The following CALB1 variants were observed in gnomAD, a reference collection of about 807,000 sequenced individuals.
The protein encoded by CALB1 is calbindin 1.
Under a neutral mutation model 46.7 loss-of-function variants are expected in CALB1, and 16 were observed. That is an observed-to-expected ratio of 0.34 (90% CI 0.23 to 0.52). The LOEUF (loss-of-function observed/expected upper bound fraction) is 0.52. Ranked by LOEUF, CALB1 falls within the 20% of genes least tolerant of loss-of-function variation. The probability of loss-of-function intolerance (pLI) is 0.95; values close to 1 mark genes in which losing one functional copy is unlikely to be tolerated. For missense variants in CALB1, 224 were observed against 300.3 expected (o/e 0.75, Z 1.88); for synonymous variants, 90 against 112.8 (o/e 0.80, Z 1.28).
At chr8:90,074,011 C>A (rs1814577675) in intron 3 of CALB1, among the ~76,000 whole-genome samples, 1 of 151,248 alleles carries the variant, frequency 6.6e-6, no homozygotes, top group Non-Finnish European at 1.5e-5. Context: ...ATTAGCCAAG[C>A]ATTCATTTTT....
At chr8:90,075,668 C>T (rs1814610890) in intron 3 of CALB1, among the ~76,000 whole-genome samples, 1 of 152,150 alleles carries the variant, frequency 6.6e-6, no homozygotes, top group South Asian at 2.1e-4. Flanking sequence ...TCCCTTTCCA[C>T]ATTTTCTACA....
intron 5 of CALB1, among the ~76,000 whole-genome samples, chr8:90,068,216 G>A (rs958633223): frequency 2.6e-5 from 4 of 152,122 alleles, no homozygotes; most frequent in Non-Finnish European, 5.9e-5. Flanking sequence ...AGCCTGAGAG[G>A]AAGGATTTAT....
intron 5 of CALB1, among the ~76,000 whole-genome samples, chr8:90,068,400 T>C (rs1260381566): frequency 6.6e-6 from 1 of 152,218 alleles, no homozygotes; most frequent in Non-Finnish European, 1.5e-5. Context: ...ATTTTTTATT[T>C]TTTATCATCA....
At chr8:90,069,087 CA>C (rs1563677741) in intron 4 of CALB1, 33 bp from the exon 5 acceptor site, 1 of 1,611,120 alleles carries the variant, frequency 6.2e-7, no homozygotes, top group Middle Eastern at 1.7e-4. Flanking sequence ...AAAACAAACA[CA>C]TTTTTAATAA....
chr8:90,065,808 T>G (rs1230369031), intron 6 of CALB1, 90 bp downstream of exon 6: 1 of 807,122 alleles, frequency 1.2e-6, no homozygotes, highest in Non-Finnish European at 2.1e-6. Context: ...CACCGTTTAT[T>G]TATTTCATCC....
In CALB1 at chr8:90,082,800, G is replaced by A; in HGVS notation, c.-103C>T. 1 of 1,148,384 alleles carries A rather than the reference G, an allele frequency of 8.7e-7. No homozygotes were observed. The highest frequency in any genetic ancestry group is 1.3e-6 in the Non-Finnish European group (1 of 759,664). 71.1% of individuals were successfully genotyped at this position (1,148,384 alleles called of 1,614,324 possible). On this transcript the variant is annotated 5_prime_UTR_variant, in exon 1 of 11. Coordinates refer to ENST00000265431, the MANE Select transcript of CALB1 (RefSeq NM_004929.4). ...AGCGTGTGCGCGAGTCAGGGCTGCG[G>A]AGGGAGACCTGGGCGCGGGCGCTGC... is the stretch of plus-strand genomic sequence containing the variant.
intron 2 of CALB1, among the ~76,000 whole-genome samples, chr8:90,079,542 A>G (rs988329531): frequency 1.3e-5 from 2 of 151,996 alleles, no homozygotes; most frequent in African/African-American, 4.8e-5. Context: ...TTATTTTTAC[A>G]TACATCTTAA....
chr8:90,066,022 G>T, intron 5 of CALB1, 47 bp from the exon 6 acceptor site: 1 of 1,221,268 alleles, frequency 8.2e-7, no homozygotes, highest in Non-Finnish European at 1.2e-6. Flanking sequence ...ATAATATATC[G>T]TCTACTTTCA....
At chr8:90,081,988 TAA>T in intron 2 of CALB1, 36 bp downstream of exon 2, 1 of 1,560,962 alleles carries the variant, frequency 6.4e-7, no homozygotes, top group Non-Finnish European at 8.8e-7. Context: ...ATTTGGGGGT[TAA>T]AAGTCTTTTT....
At chr8:90,060,579 G>A in intron 10 of CALB1, 50 bp downstream of exon 10, 9 of 1,412,552 alleles carry the variant, frequency 6.4e-6, no homozygotes, top group Non-Finnish European at 9.0e-6. Flanking sequence ...GGTTTTGGAT[G>A]GATCCACAGA....
rs1814287384 is a variant in CALB1, at chr8:90,060,988, G to C, written c.601-288C>G. On this transcript the variant is annotated intron_variant, in intron 9 of 10. Coordinates refer to ENST00000265431, the MANE Select transcript of CALB1 (RefSeq NM_004929.4). ...TAATAATATCTTCTAGGACAAGTGA[G>C]GAAACTGAGGGCTGAGGAAGGTATG... 1.3e-5 allele frequency: 4 copies of C among 315,696 alleles called. No homozygotes were observed. The South Asian group carries it at 1.6e-4, about 12-fold the overall frequency. The allele number at this position is 315,696 out of a possible 1,614,324, so 19.6% of individuals were successfully genotyped here. A position where few individuals can be genotyped will look rare whatever the true frequency, so the allele number is the denominator to read the frequency against.
rs779196969 is a variant in CALB1, at chr8:90,082,659, G to A, written c.39C>T (p.Ala13=). ...GGAGCCAGATCTCGAAAAACTGTGA[G>A]GCTGTGATGAGGGATGACTGCAGGT... ...ESHLQSSLIT[A]SQFFEIWLHF... is the part of the protein sequence containing the mutation. The change falls in exon 1 of 11, where the codon GCC becomes GCT. Residue 13 remains alanine, a synonymous_variant. Transcript: ENST00000265431. The A allele has an allele frequency of 9.9e-6, 16 of 1,614,016 alleles. No individual in the cohort carries two copies. Among genetic ancestry groups the A allele is most frequent in the East Asian group, 6.7e-5 (3 of 44,886 alleles).
At chr8:90,066,554 C>T (rs1814400350) in intron 5 of CALB1, among the ~76,000 whole-genome samples, 1 of 151,922 alleles carries the variant, frequency 6.6e-6, no homozygotes, top group Non-Finnish European at 1.5e-5. Flanking sequence ...GGTTAAAATG[C>T]TTCCACTGAC....
At chr8:90,070,466 T>C (rs1814491948) in intron 3 of CALB1, among the ~76,000 whole-genome samples, 1 of 152,188 alleles carries the variant, frequency 6.6e-6, no homozygotes, top group Non-Finnish European at 1.5e-5. Context: ...TTTAGGTTCA[T>C]TTAAAAATTT....
At chr8:90,075,112 T>A (rs1290849613) in intron 3 of CALB1, among the ~76,000 whole-genome samples, 1 of 152,238 alleles carries the variant, frequency 6.6e-6, no homozygotes, top group Non-Finnish European at 1.5e-5. Flanking sequence ...TGTGGATTTT[T>A]AAATCTATTT....
intron 3 of CALB1, among the ~76,000 whole-genome samples, chr8:90,075,054 C>T (rs1206518824): frequency 6.6e-6 from 1 of 152,102 alleles, no homozygotes; most frequent in East Asian, 1.9e-4. Context: ...TTCGATGCTC[C>T]TGTCTTGAGT....
At chr8:90,082,346 G>A in intron 1 of CALB1, 1 of 600,628 alleles carries the variant, frequency 1.7e-6, no homozygotes, top group Non-Finnish European at 2.9e-6. Context: ...TGGGGGGGCA[G>A]CATTCCCCAA....
rs1378611589 is a variant in CALB1 at position 90,064,928 on chromosome 8, TCA to T, written c.450+968_450+969del. Among the ~76,000 whole-genome samples the T allele has an allele frequency of 1.2e-4, 18 of 151,934 alleles. No homozygotes were observed. In the South Asian group the frequency reaches 1.5e-3, roughly 12 times the overall value. ...TAAGCTGAGATGCTGAAAGCAAACC[TCA>T]GTTACATCAAATATAATCAAACCCT... On this transcript the variant is annotated intron_variant, in intron 6 of 10. Coordinates refer to ENST00000265431, the MANE Select transcript of CALB1 (RefSeq NM_004929.4).
intron 3 of CALB1, among the ~76,000 whole-genome samples, chr8:90,077,732 A>T (rs1209583227): frequency 6.6e-6 from 1 of 152,052 alleles, no homozygotes; most frequent in African/African-American, 2.4e-5. Context: ...TTAATAGGAA[A>T]AGTCACTGTG....
Sources: gnomAD v4.1 joint callset for allele counts (sites outside exome capture counted in the v4.1 genomes callset) on GRCh38, gnomAD v4.1.1 for gene constraint, MANE v1.5 for transcripts, NCBI Gene and HGNC (gene_info 2026-07-23, HGNC 2026-07-21) for gene names.